The following CAMKMT variants were observed in gnomAD, a reference collection of about 807,000 sequenced individuals.
CAMKMT encodes the protein CaM KMT.
In CAMKMT, 53 loss-of-function variants were observed where a neutral mutation model predicts 48.0. The ratio of observed to expected loss-of-function variants is 1.10; its 90% confidence interval spans 0.89 to 1.39. The LOEUF is 1.39. Among genes scored for constraint, CAMKMT ranks in the 40% most tolerant of loss-of-function variants. CAMKMT has a pLI of 0.00. For synonymous variants in CAMKMT, 165 were observed against 152.3 expected (o/e 1.08, Z -0.61); for missense variants, 428 against 402.7 (o/e 1.06, Z -0.54).
intron 3 of CAMKMT, among the ~76,000 whole-genome samples, chr2:44,509,688 G>T (rs1485464536): frequency 6.6e-6 from 1 of 152,168 alleles, no homozygotes; most frequent in East Asian, 1.9e-4. Flanking sequence ...CCTTAAGGTG[G>T]TTAAGAGGGA....
intron 3 of CAMKMT, among the ~76,000 whole-genome samples, chr2:44,466,245 A>G (rs1168635631): frequency 6.6e-6 from 1 of 152,242 alleles, no homozygotes; most frequent in East Asian, 1.9e-4. Context: ...AAGCACATAT[A>G]GAACGTTTTC....
At chr2:44,592,737 T>G (rs10179362) in intron 3 of CAMKMT, among the ~76,000 whole-genome samples, 1 of 151,926 alleles carries the variant, frequency 6.6e-6, no homozygotes, top group African/African-American at 2.4e-5. Flanking sequence ...GGACCTTGGC[T>G]TGTATCCCCC....
At chr2:44,551,980 T>C (rs749817242) in intron 3 of CAMKMT, among the ~76,000 whole-genome samples, 1 of 151,988 alleles carries the variant, frequency 6.6e-6, no homozygotes, top group Non-Finnish European at 1.5e-5. Flanking sequence ...ACATATAGAT[T>C]TTTTTTTAGT....
intron 3 of CAMKMT, among the ~76,000 whole-genome samples, chr2:44,658,829 G>T (rs1674517018): frequency 6.6e-6 from 1 of 152,032 alleles, no homozygotes; most frequent in Non-Finnish European, 1.5e-5. Flanking sequence ...CCTTCCAGTG[G>T]GAGCCATTTC....
intron 3 of CAMKMT, among the ~76,000 whole-genome samples, chr2:44,421,100 T>G (rs1067377): frequency 0.75 from 114,375 of 151,948 alleles, 44,211 homozygotes; most frequent in African/African-American, 0.89. Context: ...TGTGGGAAAA[T>G]ATTTTATGTC....
chr2:44,632,518 CAT>C (rs557285492), intron 3 of CAMKMT, among the ~76,000 whole-genome samples: 12 of 152,292 alleles, frequency 7.9e-5, no homozygotes, highest in South Asian at 2.1e-4. Flanking sequence ...TATAATTTCA[CAT>C]AGTCACTTTT....
intron 3 of CAMKMT, among the ~76,000 whole-genome samples, chr2:44,392,785 A>G (rs1681473216): frequency 6.6e-6 from 1 of 152,080 alleles, no homozygotes; most frequent in Non-Finnish European, 1.5e-5. Flanking sequence ...TTCTAGCTTT[A>G]AATAAAGAAG....
intron 3 of CAMKMT, among the ~76,000 whole-genome samples, chr2:44,464,980 T>G (rs1352487085): frequency 1.3e-5 from 2 of 152,184 alleles, no homozygotes; most frequent in African/African-American, 4.8e-5. Context: ...AATTCCAAAG[T>G]GATTCCAATT....
At chr2:44,594,063 A>T (rs533980495) in intron 3 of CAMKMT, among the ~76,000 whole-genome samples, 1 of 152,070 alleles carries the variant, frequency 6.6e-6, no homozygotes, top group Non-Finnish European at 1.5e-5. Flanking sequence ...ATGCCTGGCA[A>T]TTGCTACAAA....
Position 44,441,599 on chromosome 2 carries a change from C to T in CAMKMT, c.376+51294C>T, listed in dbSNP as rs182753369. 2.6e-5 allele frequency among the ~76,000 whole-genome samples: 4 copies of T among 151,754 alleles called. No homozygotes were observed. The East Asian group carries it at 7.7e-4, about 29-fold the overall frequency. On this transcript the variant is annotated intron_variant, in intron 3 of 10. Transcript: ENST00000378494. ...TGATACTTCTTTTTTTTTTTAAACC[C>T]AACACAGACTGAATAATATAGTGCC...
At chr2:44,741,413 A>G (rs1034670442) in intron 7 of CAMKMT, among the ~76,000 whole-genome samples, 6 of 152,246 alleles carry the variant, frequency 3.9e-5, no homozygotes, top group African/African-American at 1.2e-4. Flanking sequence ...TACATGAACA[A>G]TACAACTCCA....
chr2:44,706,911 G>A (rs1478891751), intron 5 of CAMKMT, among the ~76,000 whole-genome samples: 2 of 151,982 alleles, frequency 1.3e-5, no homozygotes, highest in Non-Finnish European at 2.9e-5. Flanking sequence ...ACACTGATTG[G>A]CATTTGACAA....
intron 3 of CAMKMT, among the ~76,000 whole-genome samples, chr2:44,564,469 A>G (rs1558706190): frequency 6.6e-6 from 1 of 151,386 alleles, no homozygotes; most frequent in African/African-American, 2.4e-5. Flanking sequence ...GCCACCACAC[A>G]TGGCCTAGAA....
At chr2:44,749,790 C>T (rs1217166906) in intron 8 of CAMKMT, among the ~76,000 whole-genome samples, 2 of 152,210 alleles carry the variant, frequency 1.3e-5, no homozygotes, top group Non-Finnish European at 2.9e-5. Flanking sequence ...ACAGCCCCCT[C>T]TGAGCGAGGA....
intron 3 of CAMKMT, among the ~76,000 whole-genome samples, chr2:44,485,151 G>T (rs113001411): frequency 3.9e-5 from 6 of 152,160 alleles, no homozygotes; most frequent in African/African-American, 1.4e-4. Flanking sequence ...GACAGTGTCT[G>T]TTAAAGCTGA....
At chr2:44,738,911 A>G (rs1679510342) in intron 7 of CAMKMT, among the ~76,000 whole-genome samples, 3 of 152,198 alleles carry the variant, frequency 2.0e-5, no homozygotes, top group Non-Finnish European at 2.9e-5. Context: ...AGCTATAGAG[A>G]TATCTGGAGG....
At chr2:44,540,794 C>A (rs1281416807) in intron 3 of CAMKMT, among the ~76,000 whole-genome samples, 1 of 152,180 alleles carries the variant, frequency 6.6e-6, no homozygotes, top group African/African-American at 2.4e-5. Flanking sequence ...CTCATTGTTA[C>A]TGAGATGTAA....
At chr2:44,709,406 T>C (rs1677748296) in intron 6 of CAMKMT, among the ~76,000 whole-genome samples, 1 of 152,172 alleles carries the variant, frequency 6.6e-6, no homozygotes, top group Non-Finnish European at 1.5e-5. Context: ...TGGAGTTCCG[T>C]TTTTACCATG....
intron 3 of CAMKMT, among the ~76,000 whole-genome samples, chr2:44,650,788 C>A: frequency 6.7e-6 from 1 of 149,794 alleles, no homozygotes; most frequent in African/African-American, 2.5e-5. Context: ...TTATAAGAAT[C>A]AGTAAAGATT....
Sources: gnomAD v4.1 joint callset for allele counts (sites outside exome capture counted in the v4.1 genomes callset) on GRCh38, gnomAD v4.1.1 for gene constraint, MANE v1.5 for transcripts, NCBI Gene and HGNC (gene_info 2026-07-23, HGNC 2026-07-21) for gene names.